RERE: variants seen among roughly 807,000 people sequenced by gnomAD.
The protein encoded by RERE is arginine-glutamic acid dipeptide repeats protein.
A neutral mutation model predicts 146.1 loss-of-function variants in RERE; 40 were observed. The observed-to-expected ratio is 0.27, with a 90% confidence interval of 0.21 to 0.36. The LOEUF is 0.36. RERE is among the 10% of genes least tolerant of loss of function. RERE has a pLI of 1.00. For missense variants in RERE, 1,933 were observed against 2,138.7 expected, an observed-to-expected ratio of 0.90 and a Z score of 1.90; for synonymous variants, 1,003 against 866.0, an observed-to-expected ratio of 1.16 and a Z score of -2.78.
At chr1:8,542,235 G>A (rs1645808804) in intron 6 of RERE, among the ~76,000 whole-genome samples, 1 of 152,106 alleles carries the variant, frequency 6.6e-6, no homozygotes, top group African/African-American at 2.4e-5. Flanking sequence ...CCAAGTGGAA[G>A]CCAAAGGCTA....
At chr1:8,406,506 A>G (rs1643442490) in intron 12 of RERE, among the ~76,000 whole-genome samples, 1 of 152,340 alleles carries the variant, frequency 6.6e-6, no homozygotes, top group Non-Finnish European at 1.5e-5. Flanking sequence ...ACACACGCAC[A>G]CACACAAAAG....
chr1:8,768,726 CACTT>C (rs1234801416), intron 1 of RERE, among the ~76,000 whole-genome samples: 1 of 152,176 alleles, frequency 6.6e-6, no homozygotes, highest in African/African-American at 2.4e-5. Flanking sequence ...TGAATTCACT[CACTT>C]ATGAATACAT....
At position 8,441,512 on chromosome 1, in the gene RERE, G is replaced by A. The variant is rs114083714; in HGVS notation, c.1204-18705C>T. Among the ~76,000 whole-genome samples, 220 of 152,352 alleles carry A rather than the reference G, an allele frequency of 1.4e-3. 4 individuals are homozygous for A. Among genetic ancestry groups the A allele is most frequent in the African/African-American group, 5.0e-3 (207 of 41,570 alleles). ...GACACTGGTGCTGACACAGTGCCTA[G>A]CTCTGAGGTCAGGATGAGAAAGACT... is the stretch of plus-strand genomic sequence containing the variant. On this transcript the variant is annotated intron_variant, in intron 11 of 22. Transcript: ENST00000400908.
intron 10 of RERE, among the ~76,000 whole-genome samples, chr1:8,477,259 A>G: frequency 6.6e-6 from 1 of 152,232 alleles, no homozygotes; most frequent in East Asian, 1.9e-4. Context: ...GGAGGACTCC[A>G]CAGACGCAGT....
At chr1:8,678,554 C>T (rs919319549) in intron 1 of RERE, among the ~76,000 whole-genome samples, 1 of 149,852 alleles carries the variant, frequency 6.7e-6, no homozygotes, top group Admixed American at 6.6e-5. Flanking sequence ...GAAGCTGAGG[C>T]AGGAGAATCA....
At chr1:8,385,364 C>A (rs1050802873) in intron 12 of RERE, among the ~76,000 whole-genome samples, 12 of 152,128 alleles carry the variant, frequency 7.9e-5, no homozygotes, top group African/African-American at 2.9e-4. Context: ...TAGAGGGTTC[C>A]GAACTCTCAA....
chr1:8,580,112 G>A lies in RERE; in HGVS notation c.523-22589C>T, dbSNP rs572012118. Among the ~76,000 whole-genome samples the A allele has an allele frequency of 3.3e-5, 5 of 152,264 alleles. No individual in the cohort carries two copies. In the East Asian group the frequency reaches 7.7e-4, roughly 23 times the overall value. On this transcript the variant is annotated intron_variant, in intron 4 of 22. Coordinates refer to ENST00000400908, the MANE Select transcript of RERE (RefSeq NM_001042681.2). ...AAAATTAACTGACATTATAGACAAC[G>A]TCAAGTAATTTGACATCATCTCTTC...
intron 1 of RERE, among the ~76,000 whole-genome samples, chr1:8,684,017 T>G (rs1208482368): frequency 6.6e-6 from 1 of 152,214 alleles, no homozygotes; most frequent in African/African-American, 2.4e-5. Context: ...AATTAAAAAA[T>G]AAATTCACAT....
intron 1 of RERE, among the ~76,000 whole-genome samples, chr1:8,723,740 T>A (rs1639905808): frequency 6.6e-6 from 1 of 152,244 alleles, no homozygotes; most frequent in South Asian, 2.1e-4. Flanking sequence ...TGTTTTTAAG[T>A]CTAAGCAGAA....
At chr1:8,546,853 CA>C (rs112798481) in intron 6 of RERE, among the ~76,000 whole-genome samples, 78 of 89,918 alleles carry the variant, frequency 8.7e-4, no homozygotes, top group Admixed American at 1.8e-3. Flanking sequence ...CAAAACAAAA[CA>C]AAAAAAAAAA....
At chr1:8,615,000 G>A (rs1646834532) in intron 3 of RERE, among the ~76,000 whole-genome samples, 1 of 152,208 alleles carries the variant, frequency 6.6e-6, no homozygotes, top group South Asian at 2.1e-4. Flanking sequence ...ACAGTTAACA[G>A]CAACATGCTA....
intron 1 of RERE, among the ~76,000 whole-genome samples, chr1:8,680,254 T>C (rs541821105): frequency 2.6e-4 from 39 of 152,322 alleles, no homozygotes; most frequent in Non-Finnish European, 4.6e-4. Context: ...TCTGAGTATA[T>C]GCATAAGTTG....
chr1:8,542,117 C>T (rs1224671627), intron 6 of RERE, among the ~76,000 whole-genome samples: 3 of 152,028 alleles, frequency 2.0e-5, no homozygotes, highest in African/African-American at 7.2e-5. Context: ...CGTGGTGAGG[C>T]CTAACTTCCA....
intron 8 of RERE, among the ~76,000 whole-genome samples, chr1:8,500,034 C>T (rs989234405): frequency 1.3e-5 from 2 of 152,230 alleles, no homozygotes; most frequent in South Asian, 2.1e-4. Context: ...GCAGGAGAAT[C>T]GCTTGAAACC....
At chr1:8,746,859 G>A (rs1182597795) in intron 1 of RERE, among the ~76,000 whole-genome samples, 1 of 147,898 alleles carries the variant, frequency 6.8e-6, no homozygotes, top group East Asian at 2.0e-4. Flanking sequence ...AGAGAGAAGA[G>A]AGATGGGGGA....
intron 1 of RERE, among the ~76,000 whole-genome samples, chr1:8,722,536 C>T (rs559053434): frequency 6.6e-6 from 1 of 152,330 alleles, no homozygotes; most frequent in East Asian, 1.9e-4. Context: ...AAGCCACAGA[C>T]TTGGCCTTCA....
intron 1 of RERE, among the ~76,000 whole-genome samples, chr1:8,745,018 T>C (rs1441926281): frequency 6.6e-6 from 1 of 152,210 alleles, no homozygotes; most frequent in African/African-American, 2.4e-5. Flanking sequence ...AAACCACTCC[T>C]CTACCACTTC....
intron 2 of RERE, among the ~76,000 whole-genome samples, chr1:8,641,532 TG>T (rs1158507057): frequency 6.6e-6 from 1 of 152,186 alleles, no homozygotes. Flanking sequence ...GCACTGTGAT[TG>T]GAACTCTGTC....
At chr1:8,666,213 C>T (rs994591105) in intron 1 of RERE, among the ~76,000 whole-genome samples, 4 of 152,252 alleles carry the variant, frequency 2.6e-5, no homozygotes, top group African/African-American at 7.2e-5. Flanking sequence ...ATGTTTTCCA[C>T]CAAGAGTTGT....
Sources: gnomAD v4.1 joint callset for allele counts (sites outside exome capture counted in the v4.1 genomes callset) on GRCh38, gnomAD v4.1.1 for gene constraint, MANE v1.5 for transcripts, NCBI Gene and HGNC (gene_info 2026-07-23, HGNC 2026-07-21) for gene names.